MAP1B: variants seen among roughly 807,000 people sequenced by gnomAD.
The protein encoded by MAP1B is microtubule-associated protein 1B.
A neutral mutation model predicts 176.1 loss-of-function variants in MAP1B; 12 were observed. The ratio of observed to expected loss-of-function variants is 0.07; its 90% CI spans 0.04 to 0.11. The LOEUF is 0.11. Among genes scored for constraint, MAP1B ranks in the 10% least tolerant of loss-of-function variants. The pLI is 1.00. For synonymous variants in MAP1B, 1,044 were observed against 1,135.0 expected, an observed-to-expected ratio of 0.92 and a Z score of 1.61; for missense variants, 2,523 against 2,990.5, an observed-to-expected ratio of 0.84 and a Z score of 3.65.
At chr5:72,157,711 T>C (rs528523904) in intron 2 of MAP1B, among the ~76,000 whole-genome samples, 20 of 152,328 alleles carry the variant, frequency 1.3e-4, no homozygotes, top group African/African-American at 4.6e-4. Context: ...TTTCCCCTAA[T>C]AGATTCTTGC....
In MAP1B at chr5:72,196,044, A is replaced by C; in HGVS notation, c.2689A>C (p.Thr897Pro). The change falls in exon 5 of 7, where the codon ACT becomes CCT. Residue 897 changes from threonine to proline, a missense_variant. Transcript: ENST00000296755. The surrounding 1 kb of genome is among the most constrained non-coding windows in gnomAD (Gnocchi z 5.3). ...GPAESPDEGI[T>P]TTEGEGECEQ... Reference sequence around the variant, plus strand: ...TGCCGAGTCCCCTGATGAGGGAATCACTACCACTGAAGGGGAGGGCGAATG... The same window carrying C: ...TGCCGAGTCCCCTGATGAGGGAATCCCTACCACTGAAGGGGAGGGCGAATG... The C allele has an allele frequency of 6.2e-7, 1 of 1,614,230 alleles. No individual in the cohort carries two copies. The highest frequency in any genetic ancestry group is 8.5e-7 in the Non-Finnish European group (1 of 1,180,036).
chr5:72,174,309 A>G (rs1052935069), intron 2 of MAP1B, among the ~76,000 whole-genome samples: 4 of 152,244 alleles, frequency 2.6e-5, no homozygotes, highest in African/African-American at 4.8e-5. Flanking sequence ...ATGAGGTAAT[A>G]TGAAAATAAA....
At position 72,207,313 on chromosome 5, in the gene MAP1B, TGTTA is replaced by T. The variant is rs1444512399; in HGVS notation, c.*2079_*2082del. The T allele has an allele frequency of 1.3e-5, 2 of 152,228 alleles. No individual in the cohort carries two copies. Among genetic ancestry groups the T allele is most frequent in the East Asian group, 1.9e-4 (1 of 5,200 alleles). The allele number at this position is 152,228 out of a possible 1,614,324, so 9.4% of individuals were successfully genotyped here. The stretch of plus-strand genomic sequence containing the variant: ...AACAATGACCTCATTTTATTTTCTA[TGTTA>T]GTTATTTATTTCAAAATTAACATTT... On this transcript the variant is annotated 3_prime_UTR_variant, in exon 7 of 7. Transcript: ENST00000296755.
rs1172256732 is a variant in MAP1B, at chr5:72,199,333, A to G, written c.5978A>G (p.Asp1993Gly). 6 of 1,613,976 alleles carry G rather than the reference A, an allele frequency of 3.7e-6. No individual in the cohort carries two copies. The Admixed American group carries it at 1.0e-4, about 27-fold the overall frequency. ...LLDDISNGYD[D>G]SEDGGHTLGD... ...GATGACATCAGCAATGGCTATGATGACTCTGAGGATGGTGGCCACACACTT... is the reference window on the plus strand; with the variant it reads ...GATGACATCAGCAATGGCTATGATGGCTCTGAGGATGGTGGCCACACACTT... Residue 1993 changes from aspartate (D) to glycine (G), a missense_variant, in exon 5 of 7, where the codon GAC becomes GGC. Around this residue, in one of 4 missense-constraint regions of MAP1B, gnomAD observed 1,925 missense variants for 2,126.0 expected, o/e 0.91. Transcript: ENST00000296755. The surrounding 1 kb of genome is among the most constrained non-coding windows in gnomAD (Gnocchi z 4.2).
At chr5:72,179,880 T>C (rs1746730549) in intron 2 of MAP1B, 1 of 985,420 alleles carries the variant, frequency 1.0e-6, no homozygotes, top group Non-Finnish European at 1.2e-6. Context: ...GGCAAACTGG[T>C]CTGAAGATTG....
At chr5:72,144,989 G>A (rs1746018829) in intron 2 of MAP1B, among the ~76,000 whole-genome samples, 2 of 152,202 alleles carry the variant, frequency 1.3e-5, no homozygotes, top group South Asian at 4.1e-4. Flanking sequence ...CCCCATCCCT[G>A]CCTATCTCTG....
At chr5:72,117,756 A>G (rs925115874) in intron 2 of MAP1B, among the ~76,000 whole-genome samples, 3 of 152,236 alleles carry the variant, frequency 2.0e-5, no homozygotes, top group Admixed American at 6.5e-5. Context: ...TGCCAATGCT[A>G]GAAAGGACTG....
chr5:72,182,678 C>G (rs899529618), intron 2 of MAP1B, among the ~76,000 whole-genome samples: 2 of 152,172 alleles, frequency 1.3e-5, no homozygotes, highest in African/African-American at 4.8e-5. Flanking sequence ...TCATTCTCTC[C>G]TCTTGTATTT....
At chr5:72,183,604 C>T (rs1746829230) in intron 2 of MAP1B, 139 bp from the exon 3 acceptor site, 1 of 633,734 alleles carries the variant, frequency 1.6e-6, no homozygotes, top group South Asian at 1.9e-5. Flanking sequence ...ATTGTGTTTC[C>T]CAAGATGATG....
chr5:72,196,727 T>C lies in MAP1B; in HGVS notation c.3372T>C (p.Ile1124=). ...CCTCTGGCTACACTCAGTCTACTAT[T>C]GAGATATCCAGTGAGCCCACCCCCA... ...TATSGYTQST[I]EISSEPTPMD... Residue 1124 remains isoleucine (I), a synonymous_variant, in exon 5 of 7, where the codon ATT becomes ATC. Coordinates refer to ENST00000296755, the MANE Select transcript of MAP1B (RefSeq NM_005909.5). This position sits in a 1 kb window ranked among gnomAD's most constrained non-coding sequence, Gnocchi z 5.3. 6.2e-7 allele frequency: 1 copy of C among 1,613,720 alleles called. No homozygotes were observed. Among genetic ancestry groups the C allele is most frequent in the Non-Finnish European group, 8.5e-7 (1 of 1,179,652 alleles).
chr5:72,184,115 G>A (rs895408750), intron 3 of MAP1B, among the ~76,000 whole-genome samples: 1 of 152,210 alleles, frequency 6.6e-6, no homozygotes, highest in Admixed American at 6.5e-5. Flanking sequence ...GGTGGGGAGT[G>A]CTGCTGGGAT....
chr5:72,189,590 G>A (rs1273814443), intron 4 of MAP1B, among the ~76,000 whole-genome samples: 1 of 152,096 alleles, frequency 6.6e-6, no homozygotes, highest in Non-Finnish European at 1.5e-5. Flanking sequence ...AGTACTTTGG[G>A]AGGCCAGAGT....
rs1747382405 is a variant in MAP1B at position 72,203,733 on chromosome 5, G to A, written c.7183G>A (p.Glu2395Lys). The part of the protein sequence containing the change: ...YVVSGNDPAA[E>K]EPSRAVLDAL... ...GGTGAGTGGGAATGACCCTGCTGCTGAGGAGCCCAGCCGGGCTGTCCTGGA... is the reference window on the plus strand; with the variant it reads ...GGTGAGTGGGAATGACCCTGCTGCTAAGGAGCCCAGCCGGGCTGTCCTGGA... The change falls in exon 6 of 7, where the codon GAG becomes AAG. Residue 2395 changes from glutamate to lysine, a missense_variant. This residue lies in a region of MAP1B where 287 missense variants were observed against 401.5 expected (regional missense o/e 0.71). Transcript: ENST00000296755. 6 of 1,613,830 alleles carry A rather than the reference G, an allele frequency of 3.7e-6. No individual in the cohort carries two copies. In the South Asian group the frequency reaches 6.6e-5, roughly 18 times the overall value.
At chr5:72,179,694 G>T in intron 2 of MAP1B, 21 of 985,460 alleles carry the variant, frequency 2.1e-5, no homozygotes, top group Non-Finnish European at 2.5e-5. Flanking sequence ...CAGTCTGGCC[G>T]TGACAAGAGC....
Position 72,197,987 on chromosome 5 carries a change from T to C in MAP1B, c.4632T>C (p.Ser1544=). 6.2e-7 allele frequency: 1 copy of C among 1,614,178 alleles called. No homozygotes were observed. The highest frequency in any genetic ancestry group is 1.7e-5 in the Admixed American group (1 of 60,022). ...AGGGCGTAGCAGAAGACACGTACTC[T>C]CATATGGAGGGTGTGGCCTCAGTGT... ...VDEGVAEDTY[S]HMEGVASVST... is the part of the protein sequence containing the mutation. Residue 1544 remains serine (S), a synonymous_variant, in exon 5 of 7, where the codon TCT becomes TCC. Coordinates refer to ENST00000296755, the MANE Select transcript of MAP1B (RefSeq NM_005909.5).
intron 4 of MAP1B, 133 bp from the exon 5 acceptor site, chr5:72,193,733 G>A (rs1002072776): frequency 1.0e-6 from 1 of 963,064 alleles, no homozygotes; most frequent in African/African-American, 1.7e-5. Flanking sequence ...ACATCACTAT[G>A]AGAGTGCATG....
intron 1 of MAP1B, among the ~76,000 whole-genome samples, chr5:72,109,248 G>GA (rs201728861): frequency 0.2 from 29,400 of 147,176 alleles, 3,379 homozygotes; most frequent in African/African-American, 0.3. Flanking sequence ...AAAAAAAAAA[G>GA]AAAAAAAATG....
chr5:72,195,389 A>G lies in MAP1B; in HGVS notation c.2034A>G (p.Glu678=), dbSNP rs756605010. 1.9e-6 allele frequency: 3 copies of G among 1,564,302 alleles called. No individual in the cohort carries two copies. The South Asian group carries it at 3.6e-5, about 19-fold the overall frequency. ...PIKKEEKPKK[E]EVKKEVKKEI... ...AGAAGGAGGAAAAACCAAAAAAGGA[A>G]GAGGTGAAAAAAGAAGTCAAAAAAG... Residue 678 remains glutamate, a synonymous_variant, in exon 5 of 7, where the codon GAA becomes GAG. Transcript: ENST00000296755.
intron 1 of MAP1B, among the ~76,000 whole-genome samples, chr5:72,111,140 G>A (rs35462600): frequency 0.017 from 2,564 of 152,242 alleles, 36 homozygotes; most frequent in Non-Finnish European, 0.027. Flanking sequence ...CATGGATTTA[G>A]CTAGTGGTTC....
Sources: allele counts gnomAD v4.1 joint callset (sites outside exome capture counted in the v4.1 genomes callset), GRCh38; gene constraint gnomAD v4.1.1; regional missense constraint gnomAD v4.1.1; non-coding constraint Gnocchi (gnomAD v3.1); transcripts MANE v1.5; gene names NCBI Gene and HGNC (gene_info 2026-07-23, HGNC 2026-07-21).